The following AP3B1 variants were observed in gnomAD, a reference collection of about 807,000 sequenced individuals.
The protein encoded by AP3B1 is AP-3 complex subunit beta-1.
In AP3B1, 61 loss-of-function variants were observed where a neutral mutation model predicts 132.5. The ratio of observed to expected loss-of-function variants is 0.46; its 90% CI spans 0.37 to 0.57. AP3B1 has a LOEUF of 0.57. AP3B1 is among the 20% of genes least tolerant of loss of function. AP3B1 has a pLI of 0.00. For missense variants in AP3B1, 1,120 were observed against 1,289.4 expected, an observed-to-expected ratio of 0.87 and a Z score of 2.01; for synonymous variants, 388 against 438.3, an observed-to-expected ratio of 0.89 and a Z score of 1.43.
chr5:78,006,077 T>C (rs941876787), intron 26 of AP3B1, among the ~76,000 whole-genome samples: 1 of 152,204 alleles, frequency 6.6e-6, no homozygotes, highest in Non-Finnish European at 1.5e-5. Flanking sequence ...ATAATGATGA[T>C]AGCAGCTATC....
intron 2 of AP3B1, among the ~76,000 whole-genome samples, chr5:78,252,868 G>A (rs944055971): frequency 2.0e-5 from 3 of 152,216 alleles, no homozygotes; most frequent in African/African-American, 7.2e-5. Flanking sequence ...TAGAGCCCCA[G>A]GGCCTTGAGC....
At chr5:78,043,671 C>G (rs1256298565) in intron 22 of AP3B1, 5 of 451,776 alleles carry the variant, frequency 1.1e-5, no homozygotes, top group African/African-American at 2.0e-5. Flanking sequence ...GAACCCCCAG[C>G]AGAGACTCCC....
intron 22 of AP3B1, among the ~76,000 whole-genome samples, chr5:78,058,830 G>A (rs1432435764): frequency 6.6e-6 from 1 of 152,136 alleles, no homozygotes; most frequent in Admixed American, 6.5e-5. Flanking sequence ...TGTGGTGCCG[G>A]GTTCTGCTCT....
chr5:78,087,535 G>C (rs1750313788), intron 22 of AP3B1: 1 of 985,112 alleles, frequency 1.0e-6, no homozygotes, highest in Admixed American at 6.2e-5. Context: ...ACTTCTGGTT[G>C]TCATTCTTTT....
At position 78,065,003 on chromosome 5, in the gene AP3B1, A is replaced by G. The variant is rs1202228585; in HGVS notation, c.2577+24390T>C. ...TGAATCCTGCACCGGCAACTGAGGTATCTCTCACTGGGACTGACTAGGTGG... is the reference window on the plus strand; with the variant it reads ...TGAATCCTGCACCGGCAACTGAGGTGTCTCTCACTGGGACTGACTAGGTGG... On this transcript the variant is annotated intron_variant, in intron 22 of 26. Coordinates refer to ENST00000255194, the MANE Select transcript of AP3B1 (RefSeq NM_003664.5). 2.0e-5 allele frequency among the ~76,000 whole-genome samples: 3 copies of G among 152,158 alleles called. No individual in the cohort carries two copies. In the East Asian group the frequency reaches 5.8e-4, roughly 29 times the overall value.
At position 78,096,581 on chromosome 5, in the gene AP3B1, G is replaced by A. The variant is rs778591147; in HGVS notation, c.2470+4372C>T. Among the ~76,000 whole-genome samples the A allele has an allele frequency of 2.6e-3, 399 of 151,920 alleles. 1 individual carries two copies. Among genetic ancestry groups the A allele is most frequent in the Non-Finnish European group, 2.6e-3 (176 of 67,932 alleles). ...AGGAAGTGAGGAGCGTCTCTGCCCG[G>A]CCGCCCATCGTCTGAGATGTGGGGA... On this transcript the variant is annotated intron_variant, in intron 21 of 26. Coordinates refer to ENST00000255194, the MANE Select transcript of AP3B1 (RefSeq NM_003664.5).
intron 21 of AP3B1, among the ~76,000 whole-genome samples, chr5:78,094,496 G>C (rs1018782927): frequency 1.3e-5 from 2 of 152,122 alleles, no homozygotes; most frequent in Admixed American, 6.5e-5. Flanking sequence ...AGATATAATA[G>C]AGAAATAGTA....
intron 22 of AP3B1, among the ~76,000 whole-genome samples, chr5:78,088,823 T>C (rs1750375426): frequency 6.6e-6 from 1 of 152,210 alleles, no homozygotes; most frequent in Non-Finnish European, 1.5e-5. Context: ...CAGCTTCAAA[T>C]ACCATGATAT....
At chr5:78,146,524 G>A (rs888433832) in intron 14 of AP3B1, among the ~76,000 whole-genome samples, 13 of 151,850 alleles carry the variant, frequency 8.6e-5, no homozygotes, top group African/African-American at 3.1e-4. Flanking sequence ...GTCTACTTTT[G>A]TTACCTCTCT....
chr5:78,191,946 C>T (rs1191127732), intron 7 of AP3B1, among the ~76,000 whole-genome samples: 2 of 151,962 alleles, frequency 1.3e-5, no homozygotes, highest in Non-Finnish European at 2.9e-5. Flanking sequence ...CTGCAACCTC[C>T]GCCTCCTGGG....
At position 78,002,917 on chromosome 5, in the gene AP3B1, G is replaced by C. The variant is rs769307741; in HGVS notation, c.3270C>G (p.Val1090=). The change falls in exon 27 of 27, where the codon GTC becomes GTG. Residue 1090 remains valine, a synonymous_variant. Coordinates refer to ENST00000255194, the MANE Select transcript of AP3B1 (RefSeq NM_003664.5). The part of the protein sequence containing the change: ...GSVLLRELKP[V]LSQG ...TGTAAGCAGGTTACCCCTGAGACAG[G>C]ACAGGCTTCAGTTCCCGCAGCAGAA... 5.0e-6 allele frequency: 8 copies of C among 1,614,172 alleles called. No homozygotes were observed. The highest frequency in any genetic ancestry group is 6.8e-6 in the Non-Finnish European group (8 of 1,180,026).
At chr5:78,089,557 A>C in intron 21 of AP3B1, 58 bp from the exon 22 acceptor site, 3 of 1,110,242 alleles carry the variant, frequency 2.7e-6, no homozygotes, top group South Asian at 2.5e-5. Context: ...AAATTATTAA[A>C]AGCAACATTT....
At chr5:78,177,937 A>T (rs1744217270) in intron 8 of AP3B1, among the ~76,000 whole-genome samples, 1 of 152,186 alleles carries the variant, frequency 6.6e-6, no homozygotes, top group Admixed American at 6.5e-5. Context: ...AATGTGACAG[A>T]ATAAATTTCT....
intron 14 of AP3B1, 115 bp from the exon 15 acceptor site, chr5:78,141,434 T>A (rs1204391690): frequency 9.3e-6 from 7 of 752,764 alleles, no homozygotes; most frequent in Middle Eastern, 2.9e-4. Context: ...ATTTAATGTA[T>A]ATCTAGGAAT....
chr5:78,134,007 C>T (rs112534189), intron 15 of AP3B1, among the ~76,000 whole-genome samples: 6,178 of 151,730 alleles, frequency 0.041, 189 homozygotes, highest in East Asian at 0.14. Flanking sequence ...AAAAATTAGC[C>T]GGGCATGGTG....
chr5:78,031,964 A>G (rs1261107336), intron 24 of AP3B1, among the ~76,000 whole-genome samples: 3 of 152,140 alleles, frequency 2.0e-5, no homozygotes, highest in Non-Finnish European at 1.5e-5. Context: ...CCTGTGGGGG[A>G]TGAGGATCTG....
chr5:78,123,278 G>T (rs981581098), intron 17 of AP3B1, among the ~76,000 whole-genome samples: 66 of 152,270 alleles, frequency 4.3e-4, no homozygotes, highest in African/African-American at 1.3e-3. Flanking sequence ...ATTCAGGACA[G>T]AGGCATGGGC....
In AP3B1 at chr5:78,002,548, A is replaced by G. The variant is rs887724674; in HGVS notation, c.*354T>C. On this transcript the variant is annotated 3_prime_UTR_variant, in exon 27 of 27. Coordinates refer to ENST00000255194, the MANE Select transcript of AP3B1 (RefSeq NM_003664.5). The stretch of plus-strand genomic sequence containing the variant: ...TAATTTTTGCTTACTGCTGTAGGGA[A>G]GAAGATTTCCAATGAACTTTAAATA... The G allele has an allele frequency of 2.2e-5, 12 of 537,718 alleles. No homozygotes were observed. The Admixed American group carries it at 3.8e-4, about 17-fold the overall frequency. The allele number at this position is 537,718 out of a possible 1,614,324, so 33.3% of individuals were successfully genotyped here.
chr5:78,240,590 G>A (rs539467863), intron 3 of AP3B1, among the ~76,000 whole-genome samples: 5 of 152,088 alleles, frequency 3.3e-5, no homozygotes, highest in East Asian at 1.9e-4. Flanking sequence ...TAAACTAAAC[G>A]GGCCTCTAGG....
Sources: gnomAD v4.1 joint callset for allele counts (sites outside exome capture counted in the v4.1 genomes callset) on GRCh38, gnomAD v4.1.1 for gene constraint, MANE v1.5 for transcripts, NCBI Gene and HGNC (gene_info 2026-07-23, HGNC 2026-07-21) for gene names.